The following IL1RAPL2 variants were observed in gnomAD, a reference collection of about 807,000 sequenced individuals.
The protein encoded by IL1RAPL2 is interleukin 1 receptor accessory protein like 2.
IL1RAPL2 carries 3 observed loss-of-function variants against 44.1 expected under a neutral mutation model. That is an observed-to-expected ratio of 0.07 (90% CI 0.03 to 0.18). IL1RAPL2 has a LOEUF of 0.18. Among genes scored for constraint, IL1RAPL2 ranks in the 10% least tolerant of loss-of-function variants. The pLI, the probability that IL1RAPL2 is intolerant of heterozygous loss-of-function variation, is 1.00. For missense variants in IL1RAPL2, 391 were observed against 496.4 expected (o/e 0.79, Z 2.02); for synonymous variants, 181 against 178.8 (o/e 1.01, Z -0.10).
At chrX:104,718,951 A>G (rs1255816731) in intron 2 of IL1RAPL2, among the ~76,000 whole-genome samples, 1 of 111,976 alleles carries the variant, frequency 8.9e-6, no homozygotes, top group Non-Finnish European at 1.9e-5. Flanking sequence ...AAGCTTAGCT[A>G]TGTTCCAAAC....
At chrX:105,589,372 G>T (rs1374376411) in intron 6 of IL1RAPL2, among the ~76,000 whole-genome samples, 1 of 111,413 alleles carries the variant, frequency 9.0e-6, no homozygotes, top group Admixed American at 9.6e-5. Context: ...TTGCTGTGCA[G>T]AAGCTCCTTA....
At chrX:105,594,625 TA>T (rs1388715286) in intron 6 of IL1RAPL2, among the ~76,000 whole-genome samples, 1 of 111,716 alleles carries the variant, frequency 9.0e-6, no homozygotes, top group Non-Finnish European at 1.9e-5. Context: ...ATTTTCAAGT[TA>T]AAAAAATTTA....
intron 2 of IL1RAPL2, among the ~76,000 whole-genome samples, chrX:104,666,437 T>A (rs966405687): frequency 9.8e-5 from 11 of 111,729 alleles, no homozygotes; most frequent in African/African-American, 3.6e-4. Context: ...AATACAGAAG[T>A]CACCGAGCTT....
chrX:105,075,495 C>A (rs183008467), intron 2 of IL1RAPL2, among the ~76,000 whole-genome samples: 6,749 of 110,960 alleles, frequency 0.061, 597 homozygotes, highest in African/African-American at 0.21. Flanking sequence ...ATATTGGTCT[C>A]AAATTCTCTT....
intron 5 of IL1RAPL2, among the ~76,000 whole-genome samples, chrX:105,358,037 T>TA (rs774626399): frequency 0.053 from 2,150 of 40,718 alleles, 109 homozygotes; most frequent in Non-Finnish European, 0.076. Context: ...ATCCTATTTC[T>TA]AAAAAAAAAA....
chrX:105,076,664 T>A (rs1260689992), intron 2 of IL1RAPL2, among the ~76,000 whole-genome samples: 3 of 111,300 alleles, frequency 2.7e-5, no homozygotes, highest in Non-Finnish European at 5.6e-5. Flanking sequence ...CCCATTATTA[T>A]TGTGTGGTGG....
intron 2 of IL1RAPL2, among the ~76,000 whole-genome samples, chrX:104,762,286 A>G (rs1932474531): frequency 9.0e-6 from 1 of 111,354 alleles, no homozygotes; most frequent in South Asian, 3.8e-4. Context: ...GGCATGAGCC[A>G]TCACACCTGG....
intron 6 of IL1RAPL2, among the ~76,000 whole-genome samples, chrX:105,546,023 A>G (rs2036794466): frequency 9.0e-6 from 1 of 111,409 alleles, no homozygotes; most frequent in Non-Finnish European, 1.9e-5. Flanking sequence ...TTCCACTGAC[A>G]ACACGGTTGG....
At position 105,301,891 on chromosome X, in the gene IL1RAPL2, G is replaced by A. The variant is rs145710310; in HGVS notation, c.697+34350G>A. Among the ~76,000 whole-genome samples the A allele has an allele frequency of 7.8e-3, 877 of 112,089 alleles. 12 individuals carry two copies. The highest frequency in any genetic ancestry group is 0.027 in the African/African-American group (841 of 30,864). Reference sequence around the variant, plus strand: ...TTCCTTTATTTTGGGTAGTGGGATTGCTGGATCATATGGTAGCTCTAGATT... The same window carrying A: ...TTCCTTTATTTTGGGTAGTGGGATTACTGGATCATATGGTAGCTCTAGATT... On this transcript the variant is annotated intron_variant, in intron 5 of 10. Transcript: ENST00000372582.
At chrX:104,578,537 T>A (rs1460616300) in intron 1 of IL1RAPL2, among the ~76,000 whole-genome samples, 1 of 111,162 alleles carries the variant, frequency 9.0e-6, no homozygotes, top group Non-Finnish European at 1.9e-5. Flanking sequence ...AGAATGGTGG[T>A]AAGGGATCTG....
intron 6 of IL1RAPL2, among the ~76,000 whole-genome samples, chrX:105,536,892 ATG>A (rs1332238262): frequency 1.8e-5 from 2 of 111,933 alleles, no homozygotes; most frequent in Admixed American, 9.5e-5. Flanking sequence ...CTATCTGTTC[ATG>A]TGTTTCACCT....
At chrX:105,045,917 TA>T (rs1345282843) in intron 2 of IL1RAPL2, among the ~76,000 whole-genome samples, 1 of 111,189 alleles carries the variant, frequency 9.0e-6, no homozygotes, top group Non-Finnish European at 1.9e-5. Flanking sequence ...AAATTAATCT[TA>T]AAAAATTATT....
chrX:105,679,124 A>G (rs2037900225), intron 6 of IL1RAPL2, among the ~76,000 whole-genome samples: 2 of 110,094 alleles, frequency 1.8e-5, no homozygotes, highest in African/African-American at 3.3e-5. Context: ...ATATGGAATC[A>G]TAATGAAAGA....
At chrX:105,153,336 G>A (rs2033243633) in intron 2 of IL1RAPL2, among the ~76,000 whole-genome samples, 1 of 112,182 alleles carries the variant, frequency 8.9e-6, no homozygotes, top group Admixed American at 9.5e-5. Context: ...CAGTGAGGTA[G>A]ACATTGTTTT....
chrX:105,295,945 T>C (rs1231951412), intron 5 of IL1RAPL2, among the ~76,000 whole-genome samples: 1 of 111,520 alleles, frequency 9.0e-6, no homozygotes, highest in Admixed American at 9.6e-5. Context: ...TTACCTTCAG[T>C]CTTTCCATAC....
intron 6 of IL1RAPL2, among the ~76,000 whole-genome samples, chrX:105,644,594 G>A (rs1242842567): frequency 9.0e-6 from 1 of 110,567 alleles, no homozygotes; most frequent in Non-Finnish European, 1.9e-5. Context: ...TATTCTTCAA[G>A]TTCTTGTTAT....
At chrX:105,141,838 C>T in intron 2 of IL1RAPL2, among the ~76,000 whole-genome samples, 1 of 112,131 alleles carries the variant, frequency 8.9e-6, no homozygotes, top group South Asian at 3.7e-4. Context: ...CTGACAAAAG[C>T]ATGTGTAGCC....
intron 2 of IL1RAPL2, among the ~76,000 whole-genome samples, chrX:105,043,435 T>C (rs2031787903): frequency 9.2e-6 from 1 of 109,219 alleles, no homozygotes; most frequent in Non-Finnish European, 1.9e-5. Context: ...CATTTAGACT[T>C]GGGAGGCAGC....
chrX:105,072,580 T>C (rs1281266772), intron 2 of IL1RAPL2, among the ~76,000 whole-genome samples: 1 of 111,017 alleles, frequency 9.0e-6, no homozygotes, highest in Non-Finnish European at 1.9e-5. Context: ...GCTGAGGTGG[T>C]CTCAGACGGA....
Sources: gnomAD v4.1 joint callset for allele counts (sites outside exome capture counted in the v4.1 genomes callset) on GRCh38, gnomAD v4.1.1 for gene constraint, MANE v1.5 for transcripts, NCBI Gene and HGNC (gene_info 2026-07-23, HGNC 2026-07-21) for gene names.